CNTNAP2: variants seen among roughly 807,000 people sequenced by gnomAD.
The protein encoded by CNTNAP2 is contactin associated protein 2.
Under a neutral mutation model 155.2 loss-of-function variants are expected in CNTNAP2, and 98 were observed. That is an observed-to-expected ratio of 0.63 (90% CI 0.54 to 0.75). CNTNAP2 has a LOEUF of 0.75. Ranked by LOEUF, CNTNAP2 falls within the 30% of genes least tolerant of loss-of-function variation. CNTNAP2 has a pLI of 0.00. For missense variants in CNTNAP2, 1,727 were observed against 1,688.1 expected, an observed-to-expected ratio of 1.02 and a Z score of -0.40; for synonymous variants, 651 against 631.2, an observed-to-expected ratio of 1.03 and a Z score of -0.47.
At chr7:146,559,462 G>C (rs1798248070) in intron 1 of CNTNAP2, among the ~76,000 whole-genome samples, 3 of 151,800 alleles carry the variant, frequency 2.0e-5, no homozygotes, top group Admixed American at 6.6e-5. Context: ...CAGCTACTCG[G>C]GAGGCTGAGG....
At chr7:146,503,837 A>G (rs913936611) in intron 1 of CNTNAP2, among the ~76,000 whole-genome samples, 1 of 152,090 alleles carries the variant, frequency 6.6e-6, no homozygotes, top group Non-Finnish European at 1.5e-5. Context: ...GATTACTGTC[A>G]GGTTCCAACC....
intron 1 of CNTNAP2, among the ~76,000 whole-genome samples, chr7:146,547,436 A>T (rs1239261997): frequency 6.6e-6 from 1 of 151,968 alleles, no homozygotes; most frequent in Non-Finnish European, 1.5e-5. Context: ...ATGTTACTCC[A>T]GACCTCCCTG....
intron 11 of CNTNAP2, among the ~76,000 whole-genome samples, chr7:147,488,347 T>A (rs1336300891): frequency 6.6e-6 from 1 of 152,224 alleles, no homozygotes; most frequent in Non-Finnish European, 1.5e-5. Flanking sequence ...TTGTGGTCAA[T>A]CATTTGACTT....
chr7:146,796,494 G>A (rs1802771032), intron 2 of CNTNAP2, among the ~76,000 whole-genome samples: 1 of 152,034 alleles, frequency 6.6e-6, no homozygotes, highest in African/African-American at 2.4e-5. Flanking sequence ...GGGTACTTTG[G>A]ACCAGCTGGT....
intron 13 of CNTNAP2, among the ~76,000 whole-genome samples, chr7:147,678,854 A>C (rs528037545): frequency 1.3e-5 from 2 of 151,898 alleles, no homozygotes; most frequent in Admixed American, 1.3e-4. Flanking sequence ...AGTGAATCTG[A>C]GGAAAAAGCT....
intron 1 of CNTNAP2, among the ~76,000 whole-genome samples, chr7:146,321,421 T>G (rs2129092519): frequency 6.6e-6 from 1 of 152,302 alleles, no homozygotes; most frequent in Non-Finnish European, 1.5e-5. Flanking sequence ...TGGAGAGAAC[T>G]CACTGTGTGG....
chr7:147,250,891 A>G (rs1439214184), intron 8 of CNTNAP2, among the ~76,000 whole-genome samples: 1 of 152,154 alleles, frequency 6.6e-6, no homozygotes, highest in African/African-American at 2.4e-5. Flanking sequence ...CTAAAGTTTG[A>G]GAACTACTGG....
At chr7:148,086,171 T>C (rs1803725039) in intron 15 of CNTNAP2, among the ~76,000 whole-genome samples, 1 of 152,220 alleles carries the variant, frequency 6.6e-6, no homozygotes, top group Non-Finnish European at 1.5e-5. Context: ...TGAAACTATG[T>C]CCTTATGATA....
chr7:146,991,812 T>G (rs1246641230), intron 3 of CNTNAP2, among the ~76,000 whole-genome samples: 1 of 152,174 alleles, frequency 6.6e-6, no homozygotes, highest in Non-Finnish European at 1.5e-5. Flanking sequence ...GTTGTTATGG[T>G]GATTTGTGTA....
rs115223538 is a variant in CNTNAP2 at position 147,351,101 on chromosome 7, T to C, written c.1499-44508T>C. Among the ~76,000 whole-genome samples the C allele has an allele frequency of 1.7e-3, 251 of 151,920 alleles. 1 individual carries two copies. The highest frequency in any genetic ancestry group is 5.8e-3 in the African/African-American group (242 of 41,536). ...TTATCTTTGGCTCTATACCAAAAAC[T>C]TCAGGTATTTTTTCTTCTTTGCAGT... On this transcript the variant is annotated intron_variant, in intron 9 of 23. Coordinates refer to ENST00000361727, the MANE Select transcript of CNTNAP2 (RefSeq NM_014141.6).
At chr7:146,270,104 T>C (rs1800056845) in intron 1 of CNTNAP2, among the ~76,000 whole-genome samples, 1 of 152,170 alleles carries the variant, frequency 6.6e-6, no homozygotes, top group South Asian at 2.1e-4. Context: ...CTGGACTTTC[T>C]CCCATTACTC....
chr7:147,013,753 A>C (rs1008784678), intron 3 of CNTNAP2, among the ~76,000 whole-genome samples: 5 of 152,096 alleles, frequency 3.3e-5, no homozygotes, highest in African/African-American at 1.2e-4. Flanking sequence ...GTTTAACTCT[A>C]TCTATACTTC....
intron 1 of CNTNAP2, among the ~76,000 whole-genome samples, chr7:146,520,725 A>G (rs891251983): frequency 6.6e-6 from 1 of 151,926 alleles, no homozygotes; most frequent in South Asian, 2.1e-4. Context: ...ATAATCTAAC[A>G]AACTATGAAC....
At chr7:147,737,529 C>A (rs1258105112) in intron 13 of CNTNAP2, among the ~76,000 whole-genome samples, 1 of 128,646 alleles carries the variant, frequency 7.8e-6, no homozygotes, top group Non-Finnish European at 1.8e-5. Flanking sequence ...CTGGGAGAAC[C>A]ACTACTCTTC....
intron 1 of CNTNAP2, among the ~76,000 whole-genome samples, chr7:146,768,880 C>A (rs940402703): frequency 5.9e-5 from 9 of 152,146 alleles, no homozygotes; most frequent in Non-Finnish European, 2.9e-5. Context: ...AGCAGAGATG[C>A]ATTTGAAAAC....
At chr7:148,038,487 A>T (rs150958240) in intron 15 of CNTNAP2, among the ~76,000 whole-genome samples, 1 of 152,162 alleles carries the variant, frequency 6.6e-6, no homozygotes, top group African/African-American at 2.4e-5. Flanking sequence ...TTCCCATAGC[A>T]TCTAATTCTA....
intron 15 of CNTNAP2, among the ~76,000 whole-genome samples, chr7:148,072,487 A>T (rs1803399372): frequency 6.6e-6 from 1 of 152,250 alleles, no homozygotes. Flanking sequence ...AATTTCATGC[A>T]AATTTTATGT....
At chr7:147,139,285 A>G (rs138637172) in intron 8 of CNTNAP2, among the ~76,000 whole-genome samples, 25 of 152,210 alleles carry the variant, frequency 1.6e-4, no homozygotes, top group African/African-American at 5.1e-4. Context: ...AAACTTTTGT[A>G]GTGGATAAAT....
intron 15 of CNTNAP2, among the ~76,000 whole-genome samples, chr7:148,070,492 G>A (rs1479042058): frequency 1.3e-5 from 2 of 152,348 alleles, no homozygotes; most frequent in South Asian, 4.1e-4. Flanking sequence ...CGAGGCAGGT[G>A]GATCACCTGA....
Sources: allele counts gnomAD v4.1 joint callset (sites outside exome capture counted in the v4.1 genomes callset), GRCh38; gene constraint gnomAD v4.1.1; transcripts MANE v1.5; gene names NCBI Gene and HGNC (gene_info 2026-07-23, HGNC 2026-07-21).